The following ARHGEF6 variants were observed in gnomAD, a reference collection of about 807,000 sequenced individuals.
The protein encoded by ARHGEF6 is Rac/Cdc42 guanine nucleotide exchange factor 6.
In ARHGEF6, 9 loss-of-function variants were observed where a neutral mutation model predicts 70.3. The ratio of observed to expected loss-of-function variants is 0.13; its 90% CI spans 0.08 to 0.22. The LOEUF is 0.22. ARHGEF6 is among the 10% of genes least tolerant of loss of function. ARHGEF6 has a pLI of 1.00. For synonymous variants in ARHGEF6, 201 were observed against 207.8 expected, an observed-to-expected ratio of 0.97 and a Z score of 0.28; for missense variants, 470 against 563.0, an observed-to-expected ratio of 0.83 and a Z score of 1.67.
At chrX:136,721,248 G>A (rs1231627405) in intron 6 of ARHGEF6, among the ~76,000 whole-genome samples, 1 of 112,265 alleles carries the variant, frequency 8.9e-6, no homozygotes, top group East Asian at 2.8e-4. Context: ...CGGATGCATG[G>A]ACAGAGAAAA....
chrX:136,708,256 T>G lies in ARHGEF6; in HGVS notation c.923+419A>C, dbSNP rs1001711524. Among the ~76,000 whole-genome samples, 3 of 109,910 alleles carry G rather than the reference T, an allele frequency of 2.7e-5. No individual in the cohort carries two copies. The Admixed American group carries it at 2.9e-4, about 11-fold the overall frequency. ...GAGGGAGAGCATTAGGACAAATACCTAATGCATGCAGGGCTTAAATCCTGG... is the reference window on the plus strand; with the variant it reads ...GAGGGAGAGCATTAGGACAAATACCGAATGCATGCAGGGCTTAAATCCTGG... On this transcript the variant is annotated intron_variant, in intron 8 of 21. Transcript: ENST00000250617.
chrX:136,766,353 G>A (rs1032647948), intron 2 of ARHGEF6, among the ~76,000 whole-genome samples: 1 of 105,646 alleles, frequency 9.5e-6, no homozygotes, highest in Non-Finnish European at 1.9e-5. Context: ...ACTTTACAGA[G>A]CATAAACTGA....
At chrX:136,765,094 C>T (rs917932985) in intron 2 of ARHGEF6, among the ~76,000 whole-genome samples, 1 of 111,712 alleles carries the variant, frequency 9.0e-6, no homozygotes, top group Non-Finnish European at 1.9e-5. Context: ...CAGTCTGGAT[C>T]ATCTCCAAAC....
At chrX:136,717,163 GTGATATTCAAAC>G (rs2076744914) in intron 6 of ARHGEF6, among the ~76,000 whole-genome samples, 1 of 111,975 alleles carries the variant, frequency 8.9e-6, no homozygotes, top group Non-Finnish European at 1.9e-5. Flanking sequence ...TTCTAATCAT[GTGATATTCAAAC>G]TCCAGAAAAT....
chrX:136,701,702 C>CTTT (rs762628006), intron 9 of ARHGEF6, among the ~76,000 whole-genome samples: 50 of 68,203 alleles, frequency 7.3e-4, no homozygotes, highest in African/African-American at 1.1e-3. Context: ...TTTCATTTTT[C>CTTT]TTTTTTTTTT....
In ARHGEF6 at chrX:136,747,521, G is replaced by C. The variant is rs763130256; in HGVS notation, c.321C>G (p.Asn107Lys). 2 of 1,207,700 alleles carry C rather than the reference G, an allele frequency of 1.7e-6. No homozygotes were observed. Among genetic ancestry groups the C allele is most frequent in the South Asian group, 1.8e-5 (1 of 56,825 alleles). ...SKVLSTLLAV[N>K]KATEDQLSER... ...AGCCCGGCTTACCTTCTGTTGCTTTGTTGACAGCTAAAAGAGTACTCAGTA... is the reference window on the plus strand; with the variant it reads ...AGCCCGGCTTACCTTCTGTTGCTTTCTTGACAGCTAAAAGAGTACTCAGTA... The change falls in exon 3 of 22, where the codon AAC (asparagine) becomes AAG (lysine). Residue 107 changes from asparagine (N) to lysine (K), a missense_variant. Around this residue, in one of 3 missense-constraint regions of ARHGEF6, gnomAD observed 379 missense variants for 449.3 expected, o/e 0.84. Coordinates refer to ENST00000250617, the MANE Select transcript of ARHGEF6 (RefSeq NM_004840.3).
chrX:136,728,347 G>A (rs1317358810), intron 6 of ARHGEF6, among the ~76,000 whole-genome samples: 2 of 110,703 alleles, frequency 1.8e-5, no homozygotes, highest in East Asian at 5.7e-4. Flanking sequence ...GGTCTGAGCT[G>A]GGTGCCCACA....
chrX:136,706,423 G>A (rs183098123), intron 9 of ARHGEF6, among the ~76,000 whole-genome samples: 6 of 111,568 alleles, frequency 5.4e-5, no homozygotes, highest in African/African-American at 1.6e-4. Flanking sequence ...ACACAGTTTA[G>A]CTATGTGTCA....
intron 2 of ARHGEF6, among the ~76,000 whole-genome samples, chrX:136,748,798 T>C (rs985537984): frequency 1.8e-5 from 2 of 112,437 alleles, no homozygotes; most frequent in African/African-American, 6.5e-5. Flanking sequence ...GTTCCATTTT[T>C]AAGCTGCATA....
intron 5 of ARHGEF6, chrX:136,737,538 A>G: frequency 1.4e-6 from 1 of 735,708 alleles, no homozygotes; most frequent in Non-Finnish European, 1.6e-6. Flanking sequence ...TCCTAAGCTT[A>G]TACATTAGTA....
intron 3 of ARHGEF6, among the ~76,000 whole-genome samples, chrX:136,746,586 A>G (rs1416299347): frequency 9.0e-6 from 1 of 111,536 alleles, no homozygotes; most frequent in East Asian, 2.8e-4. Flanking sequence ...AAAGGCAGGG[A>G]CCATAGCTTT....
In ARHGEF6 at chrX:136,779,512, T is replaced by C; in HGVS notation, c.166-15A>G. On this transcript the variant is annotated splice_polypyrimidine_tract_variant and intron_variant, in intron 1 of 21. Coordinates refer to ENST00000250617, the MANE Select transcript of ARHGEF6 (RefSeq NM_004840.3). ...TCCAGACAAAACTAGAGGAACACAG[T>C]GAAATGTCACTTGGAGATTGTCATC... is the stretch of plus-strand genomic sequence containing the variant. 8.4e-7 allele frequency: 1 copy of C among 1,190,598 alleles called. No individual in the cohort carries two copies. Among genetic ancestry groups the C allele is most frequent in the Non-Finnish European group, 1.1e-6 (1 of 876,414 alleles).
chrX:136,726,619 G>A (rs1393588443), intron 6 of ARHGEF6, among the ~76,000 whole-genome samples: 3 of 112,369 alleles, frequency 2.7e-5, no homozygotes, highest in East Asian at 5.6e-4. Context: ...TAGGATTTTT[G>A]TAATGTAACA....
At chrX:136,774,585 A>G (rs773376774) in intron 2 of ARHGEF6, among the ~76,000 whole-genome samples, 55 of 102,911 alleles carry the variant, frequency 5.3e-4, no homozygotes, top group Non-Finnish European at 9.6e-4. Context: ...CAGGAGGCAG[A>G]GGTTGCAGTG....
chrX:136,729,730 T>C (rs1247156767), intron 6 of ARHGEF6, among the ~76,000 whole-genome samples: 1 of 107,868 alleles, frequency 9.3e-6, no homozygotes, highest in Non-Finnish European at 1.9e-5. Flanking sequence ...CTCGGGAGGC[T>C]GAGGCAGAAG....
At chrX:136,749,262 A>T (rs1021513660) in intron 2 of ARHGEF6, among the ~76,000 whole-genome samples, 2 of 111,466 alleles carry the variant, frequency 1.8e-5, no homozygotes, top group African/African-American at 6.5e-5. Flanking sequence ...ATCTCCGGGG[A>T]TTTCAGACTT....
intron 2 of ARHGEF6, chrX:136,767,565 G>A: frequency 1.3e-6 from 1 of 754,776 alleles, no homozygotes; most frequent in Non-Finnish European, 1.6e-6. Context: ...GGGCCGAACT[G>A]GGGGTGCCGG....
intron 6 of ARHGEF6, among the ~76,000 whole-genome samples, chrX:136,714,068 AG>A (rs1280537495): frequency 1.8e-5 from 2 of 112,177 alleles, no homozygotes; most frequent in East Asian, 5.5e-4. Flanking sequence ...TAAAGGCAAA[AG>A]GTGCTACCAT....
chrX:136,719,596 A>G (rs562178635), intron 6 of ARHGEF6, among the ~76,000 whole-genome samples: 1 of 111,780 alleles, frequency 8.9e-6, no homozygotes. Context: ...CACCCTAGGA[A>G]ACTACAAAAA....
Sources: allele counts gnomAD v4.1 joint callset (sites outside exome capture counted in the v4.1 genomes callset), GRCh38; gene constraint gnomAD v4.1.1; regional missense constraint gnomAD v4.1.1; transcripts MANE v1.5; gene names NCBI Gene and HGNC (gene_info 2026-07-23, HGNC 2026-07-21).